The following SMAD2 variants were observed in gnomAD, a reference collection of about 807,000 sequenced individuals.
The protein encoded by SMAD2 is SMAD family member 2, also known as MAD homolog 2.
In SMAD2, 8 loss-of-function variants were observed where a neutral mutation model predicts 64.4. That is an observed-to-expected ratio of 0.12 (90% CI 0.07 to 0.22). The LOEUF (loss-of-function observed/expected upper bound fraction) is 0.22. Ranked by LOEUF, SMAD2 falls within the 10% of genes least tolerant of loss-of-function variation. SMAD2 has a pLI of 1.00. For missense variants in SMAD2, 289 were observed against 561.2 expected (o/e 0.51, Z 4.90); for synonymous variants, 203 against 195.8 (o/e 1.04, Z -0.31).
In SMAD2 at chr18:47,891,876, T is replaced by C. The variant is rs918733027; in HGVS notation, c.236+4645A>G. ...TTTAAACATTTAATTGTGCTGACTATAAAAGTGATATACTTTTATATATAA... is the reference window on the plus strand; with the variant it reads ...TTTAAACATTTAATTGTGCTGACTACAAAAGTGATATACTTTTATATATAA... On this transcript the variant is annotated intron_variant, in intron 2 of 10. Transcript: ENST00000262160. 4.6e-5 allele frequency among the ~76,000 whole-genome samples: 7 copies of C among 152,260 alleles called. No homozygotes were observed. The East Asian group carries it at 5.8e-4, about 13-fold the overall frequency.
chr18:47,900,967 G>A (rs999462649), intron 1 of SMAD2, among the ~76,000 whole-genome samples: 5 of 152,124 alleles, frequency 3.3e-5, no homozygotes, highest in African/African-American at 9.7e-5. Flanking sequence ...CTGAGGCTTT[G>A]TTCATGGCCC....
rs187824435 is a variant in SMAD2 at position 47,895,422 on chromosome 18, G to C, written c.236+1099C>G. 2.6e-5 allele frequency: 4 copies of C among 152,256 alleles called. No individual in the cohort carries two copies. The East Asian group carries it at 7.7e-4, about 29-fold the overall frequency. The allele number at this position is 152,256 out of a possible 1,614,324, so 9.4% of individuals were successfully genotyped here. A position where few individuals can be genotyped will look rare whatever the true frequency, so the allele number is the denominator to read the frequency against. On this transcript the variant is annotated intron_variant, in intron 2 of 10. Transcript: ENST00000262160. ...ATCACTGCATTTGGTTGTCTTCTTT[G>C]CACTCATTACCATATCAAATTATAA...
intron 2 of SMAD2, among the ~76,000 whole-genome samples, chr18:47,879,035 C>T (rs1034770295): frequency 6.6e-6 from 1 of 152,042 alleles, no homozygotes; most frequent in Non-Finnish European, 1.5e-5. Context: ...TTCAGGAGGC[C>T]GAGACTTGAG....
Position 47,844,715 on chromosome 18 carries a change from G to A in SMAD2, c.1280+625C>T, listed in dbSNP as rs74477905. The stretch of plus-strand genomic sequence containing the variant: ...GTTTGAACCATGTGTTACCTGCAAC[G>A]ATGGCAATTTCATATATTTCAACCT... On this transcript the variant is annotated intron_variant, in intron 10 of 10. Coordinates refer to ENST00000262160, the MANE Select transcript of SMAD2 (RefSeq NM_005901.6). Among the ~76,000 whole-genome samples, 259 of 152,208 alleles carry A rather than the reference G, an allele frequency of 1.7e-3. 1 individual carries two copies. The Middle Eastern group carries it at 0.017, about 10-fold the overall frequency.
At chr18:47,912,939 T>G (rs76866221) in intron 1 of SMAD2, among the ~76,000 whole-genome samples, 1 of 151,726 alleles carries the variant, frequency 6.6e-6, no homozygotes, top group East Asian at 1.9e-4. Context: ...TTTTTTTTTT[T>G]GAGGAGTTTC....
At position 47,830,004 on chromosome 18, in the gene SMAD2, G is replaced by T. The variant is rs1912925330; in HGVS notation, c.*11823C>A. 1 of 152,176 alleles carries T rather than the reference G, an allele frequency of 6.6e-6. No individual in the cohort carries two copies. The highest frequency in any genetic ancestry group is 1.5e-5 in the Non-Finnish European group (1 of 68,028). 9.4% of individuals were successfully genotyped at this position (152,176 alleles called of 1,614,324 possible). ...CCCCCACTGACAACTTCAAAGCATA[G>T]CAAGAATCCACAGTGGTTTGCAGGC... On this transcript the variant is annotated 3_prime_UTR_variant, in exon 11 of 11. Coordinates refer to ENST00000262160, the MANE Select transcript of SMAD2 (RefSeq NM_005901.6).
At chr18:47,856,962 A>G (rs1408902339) in intron 6 of SMAD2, among the ~76,000 whole-genome samples, 1 of 142,402 alleles carries the variant, frequency 7.0e-6, no homozygotes, top group African/African-American at 2.6e-5. Context: ...GGTTCACACC[A>G]TTCTCCTGCC....
intron 8 of SMAD2, among the ~76,000 whole-genome samples, chr18:47,847,913 C>A (rs1205349557): frequency 6.6e-6 from 1 of 152,076 alleles, no homozygotes; most frequent in Non-Finnish European, 1.5e-5. Flanking sequence ...TTTGACCTCA[C>A]AAACTAGCTG....
intron 1 of SMAD2, among the ~76,000 whole-genome samples, chr18:47,905,215 T>C (rs547651553): frequency 1.3e-5 from 2 of 152,172 alleles, no homozygotes; most frequent in African/African-American, 2.4e-5. Flanking sequence ...AGAAATACGC[T>C]TGAAACAACA....
At chr18:47,843,356 G>A (rs915843005) in intron 10 of SMAD2, among the ~76,000 whole-genome samples, 2 of 152,102 alleles carry the variant, frequency 1.3e-5, no homozygotes, top group African/African-American at 4.8e-5. Context: ...CTGGTAGATG[G>A]CTTAACAATG....
At chr18:47,862,017 G>T (rs899222741) in intron 6 of SMAD2, among the ~76,000 whole-genome samples, 2 of 152,198 alleles carry the variant, frequency 1.3e-5, no homozygotes, top group Non-Finnish European at 2.9e-5. Context: ...GTCTCACTAT[G>T]CTATTTTGAT....
At position 47,830,745 on chromosome 18, in the gene SMAD2, A is replaced by C. The variant is rs1330453422; in HGVS notation, c.*11082T>G. On this transcript the variant is annotated 3_prime_UTR_variant, in exon 11 of 11. Coordinates refer to ENST00000262160, the MANE Select transcript of SMAD2 (RefSeq NM_005901.6). ...AGAGGCAAGACCTCTCATGAAGAAA[A>C]ACTTTACAAGATTTAAAATCAGAGC... is the stretch of plus-strand genomic sequence containing the variant. The C allele has an allele frequency of 6.5e-6, 1 of 154,174 alleles. No homozygotes were observed. The allele number at this position is 154,174 out of a possible 1,614,324, so 9.6% of individuals were successfully genotyped here.
chr18:47,848,019 A>G lies in SMAD2; in HGVS notation c.997+456T>C, dbSNP rs373722634. 1.4e-4 allele frequency among the ~76,000 whole-genome samples: 21 copies of G among 152,274 alleles called. No homozygotes were observed. The East Asian group carries it at 1.5e-3, about 11-fold the overall frequency. On this transcript the variant is annotated intron_variant, in intron 8 of 10. Transcript: ENST00000262160. ...ATATTAAATGCAGTTCTTGTTTTAG[A>G]TATCTCATTTCAGATGAACAGCAAG...
At chr18:47,850,177 CATATAT>C (rs1190885483) in intron 7 of SMAD2, among the ~76,000 whole-genome samples, 1 of 98,144 alleles carries the variant, frequency 1.0e-5, no homozygotes, top group African/African-American at 4.1e-5. Context: ...TGCACACTCT[CATATAT>C]ATATTATATA....
In SMAD2 at chr18:47,818,176, G is replaced by A. The variant is rs1185077566; in HGVS notation, c.*23651C>T. 3 of 151,862 alleles carry A rather than the reference G, an allele frequency of 2.0e-5. No homozygotes were observed. In the East Asian group the frequency reaches 5.8e-4, roughly 29 times the overall value. 9.4% of individuals were successfully genotyped at this position (151,862 alleles called of 1,614,324 possible). ...TTTTTCTGCCTACTTTAAATCTGCT[G>A]TTTCTGCCAGTGTTGAGATGAAACT... On this transcript the variant is annotated 3_prime_UTR_variant, in exon 11 of 11. Transcript: ENST00000262160.
intron 2 of SMAD2, among the ~76,000 whole-genome samples, chr18:47,893,355 G>A (rs2033296180): frequency 6.6e-6 from 1 of 152,112 alleles, no homozygotes; most frequent in Non-Finnish European, 1.5e-5. Flanking sequence ...AATATTAAGG[G>A]GCTGAAAGTA....
At position 47,837,687 on chromosome 18, in the gene SMAD2, A is replaced by G. The variant is rs1913560821; in HGVS notation, c.*4140T>C. The G allele has an allele frequency of 4.3e-6, 1 of 232,406 alleles. No individual in the cohort carries two copies. The highest frequency in any genetic ancestry group is 8.5e-6 in the Non-Finnish European group (1 of 117,576). The allele number at this position is 232,406 out of a possible 1,614,324, so 14.4% of individuals were successfully genotyped here. A position where few individuals can be genotyped will look rare whatever the true frequency, so the allele number is the denominator to read the frequency against. The stretch of plus-strand genomic sequence containing the variant: ...TTCAGGCAATGAATATAATAGATTT[A>G]GCAAAGTAAAGCATATGAAAGGAAG... On this transcript the variant is annotated 3_prime_UTR_variant, in exon 11 of 11. Transcript: ENST00000262160.
At chr18:47,852,891 C>A (rs1443444370) in intron 6 of SMAD2, among the ~76,000 whole-genome samples, 1 of 152,108 alleles carries the variant, frequency 6.6e-6, no homozygotes. Context: ...TTTTAAAACA[C>A]ATTTGCTATA....
At chr18:47,869,149 A>T in intron 4 of SMAD2, 94 bp downstream of exon 4, 1 of 864,268 alleles carries the variant, frequency 1.2e-6, no homozygotes, top group Non-Finnish European at 1.9e-6. Context: ...ATTAGAATTT[A>T]CACTAAAATT....
Sources: gnomAD v4.1 joint callset for allele counts (sites outside exome capture counted in the v4.1 genomes callset) on GRCh38, gnomAD v4.1.1 for gene constraint, MANE v1.5 for transcripts, NCBI Gene and HGNC (gene_info 2026-07-23, HGNC 2026-07-21) for gene names.